The following ZNF518A variants were observed in gnomAD, a reference collection of about 807,000 sequenced individuals.
ZNF518A encodes zinc finger protein 518A.
A neutral mutation model predicts 102.7 loss-of-function variants in ZNF518A; 47 were observed. The observed-to-expected ratio is 0.46, with a 90% confidence interval of 0.36 to 0.58. The LOEUF (loss-of-function observed/expected upper bound fraction) is 0.58. Among genes scored for constraint, ZNF518A ranks in the 20% least tolerant of loss-of-function variants. The pLI is 0.00. For synonymous variants in ZNF518A, 652 were observed against 594.6 expected (o/e 1.10, Z -1.40); for missense variants, 1,793 against 1,699.8 (o/e 1.05, Z -0.96).
downstream of ZNF518A, chr10:96,204,210 TA>T (rs2083735769): frequency 4.6e-6 from 5 of 1,082,308 alleles, no homozygotes; most frequent in Non-Finnish European, 5.6e-6. Context: ...AAATGGCCAA[TA>T]AAATGTATCT....
chr10:96,205,093 C>CT (rs1322383063), downstream of ZNF518A: 1 of 166,030 alleles, frequency 6.0e-6, no homozygotes, highest in African/African-American at 2.4e-5. Flanking sequence ...TAAATGATCT[C>CT]TTTTTGCAAA....
Position 96,157,174 on chromosome 10 carries a change from G to T in ZNF518A, c.852G>T (p.Leu284Phe). Residue 284 changes from leucine (L) to phenylalanine (F), a missense_variant, in exon 6 of 6, where the codon TTG becomes TTT. Leu to Phe is a conservative substitution (Grantham distance 22). Around this residue, in one of 3 missense-constraint regions of ZNF518A, gnomAD observed 1,741 missense variants for 1,622.6 expected, o/e 1.07. Transcript: ENST00000316045. ...REHLVRHVIT[L>F]HKEHLYAKEK... Reference sequence around the variant, plus strand: ...ACCTTGTAAGACATGTTATAACTTTGCACAAAGAACATTTATATGCAAAAG... The same window carrying T: ...ACCTTGTAAGACATGTTATAACTTTTCACAAAGAACATTTATATGCAAAAG... The T allele has an allele frequency of 6.2e-7, 1 of 1,612,822 alleles. No homozygotes were observed. The highest frequency in any genetic ancestry group is 1.1e-5 in the South Asian group (1 of 90,870).
chr10:96,189,186 A>C (rs2083292165), intron 1 of ZNF518A, among the ~76,000 whole-genome samples: 1 of 152,256 alleles, frequency 6.6e-6, no homozygotes, highest in South Asian at 2.1e-4. Context: ...TTCCATCTTT[A>C]ATAATGAAAC....
chr10:96,193,788 TAGTTA>T (rs1554894040), intron 1 of ZNF518A, among the ~76,000 whole-genome samples: 1 of 152,204 alleles, frequency 6.6e-6, no homozygotes, highest in East Asian at 1.9e-4. Flanking sequence ...AACAGTTAAA[TAGTTA>T]ATGAATTGGT....
chr10:96,179,801 CCTCCT>C (rs2083227920), intron 1 of ZNF518A, among the ~76,000 whole-genome samples: 1 of 151,704 alleles, frequency 6.6e-6, no homozygotes, highest in South Asian at 2.1e-4. Flanking sequence ...TCCTCCTCCT[CCTCCT>C]CTCCTCCTTC....
intron 3 of ZNF518A, among the ~76,000 whole-genome samples, chr10:96,144,969 T>C (rs1430097729): frequency 6.6e-6 from 1 of 152,240 alleles, no homozygotes; most frequent in Non-Finnish European, 1.5e-5. Context: ...AAAATTAGGT[T>C]GGTGTTACAA....
intron 3 of ZNF518A, among the ~76,000 whole-genome samples, chr10:96,147,636 T>C (rs2082234541): frequency 6.6e-6 from 1 of 152,232 alleles, no homozygotes; most frequent in Non-Finnish European, 1.5e-5. Context: ...TCGAAGGTAT[T>C]GCCCCTTTGT....
In ZNF518A at chr10:96,158,287, A is replaced by G. The variant is rs1554884454; in HGVS notation, c.1965A>G (p.Ser655=). ...ATTCTAATAAACGTCGTAGGTTTTC[A>G]GGAACAGCAGTGTATGAAAACCCTC... ...VNNSNKRRRF[S]GTAVYENPQR... The change falls in exon 6 of 6, where the codon TCA becomes TCG. Residue 655 remains serine, a synonymous_variant. Coordinates refer to ENST00000316045, the MANE Select transcript of ZNF518A (RefSeq NM_001330736.2). 1 of 1,613,610 alleles carries G rather than the reference A, an allele frequency of 6.2e-7. No homozygotes were observed. The highest frequency in any genetic ancestry group is 1.1e-5 in the South Asian group (1 of 91,042).
intron 1 of ZNF518A, among the ~76,000 whole-genome samples, chr10:96,179,862 T>C (rs1047539745): frequency 3.4e-5 from 5 of 147,918 alleles, no homozygotes; most frequent in East Asian, 2.1e-4. Context: ...TTCTTCTTTT[T>C]TTCTTCTTCT....
chr10:96,132,314 C>A (rs1374903456), intron 1 of ZNF518A, among the ~76,000 whole-genome samples: 1 of 151,358 alleles, frequency 6.6e-6, no homozygotes, highest in Non-Finnish European at 1.5e-5. Context: ...GATATTATTT[C>A]TAGTTTTGTG....
In ZNF518A at chr10:96,160,988, C is replaced by T; in HGVS notation, c.*214C>T. ...CAAAAGTTTTGAAAGAAACTAATCACAGCACAGAAGTACCTTGATTTAATT... is the reference window on the plus strand; with the variant it reads ...CAAAAGTTTTGAAAGAAACTAATCATAGCACAGAAGTACCTTGATTTAATT... On this transcript the variant is annotated 3_prime_UTR_variant, in exon 6 of 6. Transcript: ENST00000316045. 1 of 477,308 alleles carries T rather than the reference C, an allele frequency of 2.1e-6. No homozygotes were observed. The highest frequency in any genetic ancestry group is 3.6e-6 in the Non-Finnish European group (1 of 278,318). 29.6% of individuals were successfully genotyped at this position (477,308 alleles called of 1,614,324 possible). A position where few individuals can be genotyped will look rare whatever the true frequency, so the allele number is the denominator to read the frequency against.
At position 96,130,369 on chromosome 10, in the gene ZNF518A, C is replaced by T. The variant is rs999863926; in HGVS notation, c.-836C>T. On this transcript the variant is annotated 5_prime_UTR_variant, in exon 1 of 6. Transcript: ENST00000316045. ...CGCTTTTGCCGACTGCTAGAGCTTA[C>T]CCTTACTTTCTTAACCTGGGGTTGT... Among the ~76,000 whole-genome samples the T allele has an allele frequency of 6.6e-6, 1 of 152,230 alleles. No homozygotes were observed. Among genetic ancestry groups the T allele is most frequent in the African/African-American group, 2.4e-5 (1 of 41,464 alleles).
intron 3 of ZNF518A, among the ~76,000 whole-genome samples, chr10:96,137,433 G>T (rs2081656871): frequency 6.6e-6 from 1 of 152,082 alleles, no homozygotes; most frequent in African/African-American, 2.4e-5. Flanking sequence ...TTCCCATTTT[G>T]CCTTACATCC....
chr10:96,179,884 A>ATTTTT (rs35286562), intron 1 of ZNF518A, among the ~76,000 whole-genome samples: 1 of 120,888 alleles, frequency 8.3e-6, no homozygotes. Context: ...TCTTTCTTTC[A>ATTTTT]TTTTTTTTTT....
intron 3 of ZNF518A, among the ~76,000 whole-genome samples, chr10:96,148,307 G>T (rs2082264215): frequency 6.6e-6 from 1 of 152,126 alleles, no homozygotes; most frequent in Admixed American, 6.5e-5. Context: ...TGGTGTGGTG[G>T]CACATGCCTA....
rs1554871287 is a variant in ZNF518A at position 96,130,687 on chromosome 10, G to A, written c.-518G>A. ...TTGCTGGCCCAGCGTATGGTCATTG[G>A]GGGCCATTTCTTGCAGAGATGCCCT... On this transcript the variant is annotated 5_prime_UTR_variant, in exon 1 of 6. Coordinates refer to ENST00000316045, the MANE Select transcript of ZNF518A (RefSeq NM_001330736.2). 1 of 152,348 alleles carries A rather than the reference G, an allele frequency of 6.6e-6. No individual in the cohort carries two copies. The highest frequency in any genetic ancestry group is 1.5e-5 in the Non-Finnish European group (1 of 68,148). The allele number at this position is 152,348 out of a possible 1,614,324, so 9.4% of individuals were successfully genotyped here.
intron 1 of ZNF518A, among the ~76,000 whole-genome samples, chr10:96,173,027 A>C (rs1344992815): frequency 2.6e-5 from 4 of 152,166 alleles, no homozygotes; most frequent in African/African-American, 9.6e-5. Flanking sequence ...CTTATTCCCT[A>C]AACAATACAG....
intron 1 of ZNF518A, among the ~76,000 whole-genome samples, chr10:96,186,639 G>A (rs113942271): frequency 0.079 from 12,060 of 152,136 alleles, 978 homozygotes; most frequent in African/African-American, 0.21. Context: ...CTCATGATTC[G>A]CCTGCCTTGG....
At chr10:96,134,574 T>C (rs1425790096) in intron 3 of ZNF518A, among the ~76,000 whole-genome samples, 1 of 152,324 alleles carries the variant, frequency 6.6e-6, no homozygotes, top group South Asian at 2.1e-4. Context: ...CAGTTTGTAC[T>C]ATTTGACCCA....
Sources: gnomAD v4.1 joint callset for allele counts (sites outside exome capture counted in the v4.1 genomes callset) on GRCh38, gnomAD v4.1.1 for gene constraint, gnomAD v4.1.1 regional missense constraint, MANE v1.5 for transcripts, NCBI Gene and HGNC (gene_info 2026-07-23, HGNC 2026-07-21) for gene names.